POM121C: variants seen among roughly 807,000 people sequenced by gnomAD.
POM121C encodes the protein POM121 transmembrane nucleoporin C, also known as nuclear envelope pore membrane protein POM 121C.
POM121C carries 20 observed loss-of-function variants against 66.4 expected under a neutral mutation model. The ratio of observed to expected loss-of-function variants is 0.30; its 90% CI spans 0.21 to 0.44. POM121C has a LOEUF of 0.44. Among genes scored for constraint, POM121C ranks in the 20% least tolerant of loss-of-function variants. POM121C has a pLI of 1.00. For missense variants in POM121C, 580 were observed against 1,225.7 expected (o/e 0.47, Z 7.87); for synonymous variants, 286 against 528.0 (o/e 0.54, Z 6.28).
chr7:75,421,955 G>C lies in POM121C; in HGVS notation c.2297C>G (p.Thr766Ser), dbSNP rs201031798. The change falls in exon 13 of 15, where the codon ACC (threonine) becomes AGC (serine). Residue 766 changes from threonine (T) to serine (S), a missense_variant. Physicochemically the swap from Thr to Ser is moderately conservative, Grantham distance 58 (BLOSUM62 1). Coordinates refer to ENST00000615331, the MANE Select transcript of POM121C (RefSeq NM_001099415.3). ...CGCCGAGTGCGTGGCACCGCCAAAG[G>C]TAGGCTGGATGGGCGTAGGCACGTG... ...PAHVPTPIQP[T>S]FGGATHSAFG... The C allele has an allele frequency of 6.2e-7, 1 of 1,613,158 alleles. No individual in the cohort carries two copies.
At chr7:75,440,372 C>T (rs587684051) in intron 5 of POM121C, among the ~76,000 whole-genome samples, 20 of 151,164 alleles carry the variant, frequency 1.3e-4, no homozygotes, top group Non-Finnish European at 2.1e-4. Flanking sequence ...TTGAGACCAT[C>T]CTGGCCAATA....
rs1563144973 is a variant in POM121C at position 75,441,103 on chromosome 7, T to G, written c.78A>C (p.Ile26=). The change falls in exon 5 of 15, where the codon ATA becomes ATC. Residue 26 remains isoleucine, a synonymous_variant. Coordinates refer to ENST00000615331, the MANE Select transcript of POM121C (RefSeq NM_001099415.3). ...RFSRSAIPEQ[I]ISSTLSSPSS... ...ATGGTGACGACAGTGTTGAGCTGAT[T>G]ATCTGCTCTGGTCTATAATGAAAGA... The G allele has an allele frequency of 6.2e-7, 1 of 1,613,962 alleles. No individual in the cohort carries two copies. The highest frequency in any genetic ancestry group is 8.5e-7 in the Non-Finnish European group (1 of 1,179,848).
chr7:75,442,381 G>C (rs1286676871), intron 3 of POM121C: 10 of 1,444,154 alleles, frequency 6.9e-6, no homozygotes, highest in Middle Eastern at 2.5e-4. Flanking sequence ...CAGGTCCTTC[G>C]AGCAGGGTCC....
intron 3 of POM121C, among the ~76,000 whole-genome samples, chr7:75,468,126 T>TAAAAAAAAAAAAAAAAAAAA (rs368723160): frequency 6.2e-5 from 4 of 64,352 alleles, no homozygotes; most frequent in Non-Finnish European, 7.0e-5. Context: ...AGACTCTGTC[T>TAAAAAAAAAAAAAAAAAAAA]AAAAAAAAAA....
intron 3 of POM121C, among the ~76,000 whole-genome samples, chr7:75,472,866 G>T (rs1791929557): frequency 6.6e-6 from 1 of 152,066 alleles, no homozygotes; most frequent in Non-Finnish European, 1.5e-5. Flanking sequence ...AGGAAGAAAG[G>T]AAGGGAAAAT....
At chr7:75,468,358 C>T (rs1791752133) in intron 3 of POM121C, among the ~76,000 whole-genome samples, 2 of 142,474 alleles carry the variant, frequency 1.4e-5, no homozygotes, top group South Asian at 4.5e-4. Context: ...CACTCTGTCG[C>T]CCAGGCTGGA....
intron 3 of POM121C, among the ~76,000 whole-genome samples, chr7:75,447,256 G>C (rs1161978859): frequency 6.6e-6 from 1 of 151,870 alleles, no homozygotes; most frequent in African/African-American, 2.4e-5. Context: ...TTGAGATATG[G>C]AAAAATATTA....
chr7:75,429,840 T>C (rs1275610600), intron 7 of POM121C, among the ~76,000 whole-genome samples: 1 of 151,918 alleles, frequency 6.6e-6, no homozygotes, highest in African/African-American at 2.4e-5. Flanking sequence ...CAGTGAGACC[T>C]TGTCTCTACT....
rs587760317 is a variant in POM121C at position 75,453,501 on chromosome 7, G to A, written c.-151-11854C>T. Among the ~76,000 whole-genome samples, 94 of 151,098 alleles carry A rather than the reference G, an allele frequency of 6.2e-4. 1 individual carries two copies. The Middle Eastern group carries it at 0.01, about 17-fold the overall frequency. ...GGAGGCTGAGGCAGGAGAATCGCTT[G>A]AACCTGGGAGGCAGAGGTTGTGGTG... On this transcript the variant is annotated intron_variant, in intron 3 of 14. Coordinates refer to ENST00000615331, the MANE Select transcript of POM121C (RefSeq NM_001099415.3).
At chr7:75,439,299 C>A in intron 5 of POM121C, 75 bp from the exon 6 acceptor site, 2 of 1,583,862 alleles carry the variant, frequency 1.3e-6, no homozygotes, top group Non-Finnish European at 1.7e-6. Flanking sequence ...TCTCACATTT[C>A]TGGGACCTTA....
chr7:75,453,243 C>A, intron 3 of POM121C, among the ~76,000 whole-genome samples: 1 of 139,836 alleles, frequency 7.2e-6, no homozygotes, highest in Non-Finnish European at 1.5e-5. Flanking sequence ...CCATCCTCAG[C>A]AATACAGAGA....
At chr7:75,468,458 C>T (rs1481673991) in intron 3 of POM121C, among the ~76,000 whole-genome samples, 2 of 151,518 alleles carry the variant, frequency 1.3e-5, no homozygotes, top group South Asian at 4.2e-4. Flanking sequence ...CCTGGGATTA[C>T]ATGCGCCCAC....
chr7:75,420,353 C>G (rs1563135819), intron 13 of POM121C: 1 of 152,496 alleles, frequency 6.6e-6, no homozygotes, highest in Admixed American at 6.5e-5. Flanking sequence ...TCCTGCACCC[C>G]CTGAGCTGCA....
chr7:75,468,906 C>T (rs1554478246), intron 3 of POM121C, among the ~76,000 whole-genome samples: 2 of 152,070 alleles, frequency 1.3e-5, no homozygotes, highest in African/African-American at 4.8e-5. Flanking sequence ...AAAAATAAAC[C>T]TAACACGTGC....
intron 1 of POM121C, chr7:75,484,414 G>T: frequency 4.3e-6 from 2 of 463,738 alleles, no homozygotes; most frequent in South Asian, 5.7e-5. Context: ...GTGATACAGG[G>T]TTTCACCATG....
At chr7:75,458,894 G>C (rs2116473148) in intron 3 of POM121C, among the ~76,000 whole-genome samples, 1 of 152,250 alleles carries the variant, frequency 6.6e-6, no homozygotes, top group South Asian at 2.1e-4. Context: ...TTATTGCATA[G>C]GGATTTTAGA....
At chr7:75,442,455 G>C (rs587703427) in intron 3 of POM121C, 7 of 1,415,964 alleles carry the variant, frequency 4.9e-6, no homozygotes, top group Non-Finnish European at 5.5e-6. Flanking sequence ...AGTGTTCGCC[G>C]ATGTCGCGCC....
intron 3 of POM121C, among the ~76,000 whole-genome samples, chr7:75,468,469 C>G (rs1203068570): frequency 1.3e-5 from 2 of 151,936 alleles, no homozygotes; most frequent in Non-Finnish European, 2.9e-5. Flanking sequence ...ATGCGCCCAC[C>G]ACCACACCTG....
chr7:75,432,099 T>C (rs587705124), intron 7 of POM121C, among the ~76,000 whole-genome samples: 1 of 145,578 alleles, frequency 6.9e-6, no homozygotes, highest in East Asian at 2.0e-4. Flanking sequence ...GGCAGCAGAA[T>C]AGCTGAACCC....
Sources: allele counts gnomAD v4.1 joint callset (sites outside exome capture counted in the v4.1 genomes callset), GRCh38; gene constraint gnomAD v4.1.1; transcripts MANE v1.5; gene names NCBI Gene and HGNC (gene_info 2026-07-23, HGNC 2026-07-21).